SND1: variants seen among roughly 807,000 people sequenced by gnomAD.
The protein encoded by SND1 is staphylococcal nuclease domain-containing protein 1.
A neutral mutation model predicts 121.7 loss-of-function variants in SND1; 38 were observed. The ratio of observed to expected loss-of-function variants is 0.31; its 90% CI spans 0.24 to 0.41. The LOEUF (loss-of-function observed/expected upper bound fraction) is 0.41, where lower values mean the gene tolerates loss of function less well. Among genes scored for constraint, SND1 ranks in the 10% least tolerant of loss-of-function variants. SND1 has a pLI of 1.00. For synonymous variants in SND1, 401 were observed against 447.4 expected, an observed-to-expected ratio of 0.90 and a Z score of 1.31; for missense variants, 868 against 1,184.6, an observed-to-expected ratio of 0.73 and a Z score of 3.92.
rs1792556115 is a variant in SND1, at chr7:128,030,592, T to C, written c.1779+39536T>C. The C allele has an allele frequency of 6.3e-7, 1 of 1,597,988 alleles. No homozygotes were observed. Among genetic ancestry groups the C allele is most frequent in the Non-Finnish European group, 8.5e-7 (1 of 1,169,604 alleles). ...GTGAGGTAGACGAACGGGAGCAGGA[T>C]GGCATTCCAGGTGTGGTGGTGCACA... On this transcript the variant is annotated intron_variant, in intron 16 of 23. Coordinates refer to ENST00000354725, the MANE Select transcript of SND1 (RefSeq NM_014390.4).
At chr7:127,858,197 G>A in intron 12 of SND1, 1 of 787,878 alleles carries the variant, frequency 1.3e-6, no homozygotes, top group Non-Finnish European at 2.3e-6. Context: ...CAGCCGCATG[G>A]CCAACTGTTC....
intron 1 of SND1, among the ~76,000 whole-genome samples, chr7:127,669,949 G>A (rs571529255): frequency 6.7e-4 from 101 of 151,778 alleles, no homozygotes; most frequent in African/African-American, 2.4e-3. Context: ...TTCTAGTTTA[G>A]ACTGGAGGAC....
At chr7:127,854,309 A>G (rs188948501) in intron 12 of SND1, among the ~76,000 whole-genome samples, 266 of 152,102 alleles carry the variant, frequency 1.7e-3, no homozygotes, top group African/African-American at 6.1e-3. Context: ...TTGCATTTTT[A>G]GTAGAGATGG....
At chr7:127,960,452 C>G (rs766229884) in intron 15 of SND1, among the ~76,000 whole-genome samples, 2 of 152,200 alleles carry the variant, frequency 1.3e-5, no homozygotes, top group African/African-American at 4.8e-5. Context: ...TTCCTCCTTG[C>G]AGATCTCCAA....
intron 15 of SND1, among the ~76,000 whole-genome samples, chr7:127,933,370 A>G (rs1329768582): frequency 6.6e-6 from 1 of 152,254 alleles, no homozygotes; most frequent in Non-Finnish European, 1.5e-5. Flanking sequence ...CAAATACGTG[A>G]TAAAAATATA....
intron 1 of SND1, among the ~76,000 whole-genome samples, chr7:127,671,823 G>T (rs1032510939): frequency 3.3e-5 from 5 of 152,186 alleles, no homozygotes; most frequent in African/African-American, 4.8e-5. Flanking sequence ...CATCATAGCA[G>T]CTTTCTTGTG....
intron 16 of SND1, among the ~76,000 whole-genome samples, chr7:128,035,441 G>C (rs1252727964): frequency 6.6e-6 from 1 of 152,186 alleles, no homozygotes; most frequent in East Asian, 1.9e-4. Context: ...CTACTAAAAA[G>C]ACACATAGAT....
intron 10 of SND1, among the ~76,000 whole-genome samples, chr7:127,751,150 G>C (rs1257886823): frequency 6.6e-6 from 1 of 152,010 alleles, no homozygotes; most frequent in African/African-American, 2.4e-5. Context: ...GGTAGGGTGT[G>C]TGTGTGTGTG....
At position 127,864,775 on chromosome 7, in the gene SND1, C is replaced by A. The variant is rs114686107; in HGVS notation, c.1343+20351C>A. On this transcript the variant is annotated intron_variant, in intron 12 of 23. Transcript: ENST00000354725. ...GTTTTTCTTTATTTTCAGCATGCCC[C>A]TTTTCAGATGCATCTGGAATAACAG... Among the ~76,000 whole-genome samples the A allele has an allele frequency of 8.9e-4, 135 of 152,284 alleles. 1 individual carries two copies. Among genetic ancestry groups the A allele is most frequent in the African/African-American group, 3.1e-3 (128 of 41,560 alleles).
At chr7:127,990,544 G>A (rs545617983) in intron 15 of SND1, among the ~76,000 whole-genome samples, 10 of 152,302 alleles carry the variant, frequency 6.6e-5, no homozygotes. Flanking sequence ...TGGCACTTAG[G>A]AGGCAGAATG....
At position 128,029,777 on chromosome 7, in the gene SND1, C is replaced by T. The variant is rs763454206; in HGVS notation, c.1779+38721C>T. 12 of 1,613,030 alleles carry T rather than the reference C, an allele frequency of 7.4e-6. No homozygotes were observed. The highest frequency in any genetic ancestry group is 3.3e-5 in the Admixed American group (2 of 59,932). On this transcript the variant is annotated intron_variant, in intron 16 of 23. Coordinates refer to ENST00000354725, the MANE Select transcript of SND1 (RefSeq NM_014390.4). This position sits in a 1 kb window ranked among gnomAD's most constrained non-coding sequence, Gnocchi z 4.2. ...GATGCAACTCCACCAGGTACCTCAG[C>T]GGGGTAAAGAGGTCATGGGGCAAAG...
At chr7:127,976,056 T>C (rs1405833666) in intron 15 of SND1, among the ~76,000 whole-genome samples, 2 of 152,184 alleles carry the variant, frequency 1.3e-5, no homozygotes, top group Admixed American at 1.3e-4. Flanking sequence ...TCCTCTCTTA[T>C]TCCCCACCCT....
intron 16 of SND1, among the ~76,000 whole-genome samples, chr7:128,043,878 AC>A (rs1792901555): frequency 6.6e-6 from 1 of 151,966 alleles, no homozygotes; most frequent in East Asian, 1.9e-4. Context: ...ACACACACAC[AC>A]ACACACACAC....
chr7:127,970,726 T>G (rs1801965138), intron 15 of SND1, among the ~76,000 whole-genome samples: 1 of 152,176 alleles, frequency 6.6e-6, no homozygotes, highest in Non-Finnish European at 1.5e-5. Context: ...CCCTGATTCT[T>G]GCCTGATTGA....
At position 127,904,882 on chromosome 7, in the gene SND1, G is replaced by A. The variant is rs1395118310; in HGVS notation, c.1527+63G>A. On this transcript the variant is annotated intron_variant, in intron 14 of 23. Transcript: ENST00000354725. Reference sequence around the variant, plus strand: ...GGCTCAAGAGCGTGTCTGCATATTTGCTGAAGGACTTCAGCTTATGTATTT... The same window carrying A: ...GGCTCAAGAGCGTGTCTGCATATTTACTGAAGGACTTCAGCTTATGTATTT... 9 of 1,030,388 alleles carry A rather than the reference G, an allele frequency of 8.7e-6. No individual in the cohort carries two copies. The Admixed American group carries it at 1.5e-4, about 18-fold the overall frequency. 63.8% of individuals were successfully genotyped at this position (1,030,388 alleles called of 1,614,324 possible).
intron 9 of SND1, among the ~76,000 whole-genome samples, chr7:127,712,763 T>TA (rs1177838855): frequency 6.6e-6 from 1 of 152,224 alleles, no homozygotes; most frequent in Non-Finnish European, 1.5e-5. Context: ...TATGTATAGA[T>TA]ACGTTTTACA....
intron 14 of SND1, among the ~76,000 whole-genome samples, chr7:127,914,618 G>C (rs1280913004): frequency 6.6e-6 from 1 of 152,136 alleles, no homozygotes; most frequent in Non-Finnish European, 1.5e-5. Context: ...CAAGTGATGG[G>C]CTCAAACAGC....
intron 12 of SND1, among the ~76,000 whole-genome samples, chr7:127,884,582 A>T (rs1239936556): frequency 6.6e-6 from 1 of 151,760 alleles, no homozygotes; most frequent in African/African-American, 2.4e-5. Flanking sequence ...ACTCTTTGGA[A>T]CAGGCCCGTA....
At chr7:128,030,833 A>C (rs1584749954) in intron 16 of SND1, 1 of 621,262 alleles carries the variant, frequency 1.6e-6, no homozygotes. Context: ...TGGTCTCCCA[A>C]CCCACCCTCA....
Sources: allele counts gnomAD v4.1 joint callset (sites outside exome capture counted in the v4.1 genomes callset), GRCh38; gene constraint gnomAD v4.1.1; non-coding constraint Gnocchi (gnomAD v3.1); transcripts MANE v1.5; gene names NCBI Gene and HGNC (gene_info 2026-07-23, HGNC 2026-07-21).